PDXDC1: variants seen among roughly 807,000 people sequenced by gnomAD.
The protein encoded by PDXDC1 is pyridoxal dependent decarboxylase domain containing 1, also known as pyridoxal-dependent decarboxylase domain-containing protein 1.
In PDXDC1, 42 loss-of-function variants were observed where a neutral mutation model predicts 100.1. That is an observed-to-expected ratio of 0.42 (90% CI 0.33 to 0.54). PDXDC1 has a LOEUF of 0.54. Among genes scored for constraint, PDXDC1 ranks in the 20% least tolerant of loss-of-function variants. The pLI, the probability that PDXDC1 is intolerant of heterozygous loss-of-function variation, is 0.10. For synonymous variants in PDXDC1, 260 were observed against 371.7 expected, an observed-to-expected ratio of 0.70 and a Z score of 3.46; for missense variants, 636 against 979.2, an observed-to-expected ratio of 0.65 and a Z score of 4.68.
chr16:15,090,711 A>G (rs939973931), intron 16 of PDXDC1, among the ~76,000 whole-genome samples: 2 of 152,230 alleles, frequency 1.3e-5, no homozygotes, highest in African/African-American at 4.8e-5. Context: ...ACTGGATAAT[A>G]AAATTGGAAT....
At chr16:15,089,673 G>A (rs1237745513) in intron 16 of PDXDC1, among the ~76,000 whole-genome samples, 1 of 150,886 alleles carries the variant, frequency 6.6e-6, no homozygotes, top group Non-Finnish European at 1.5e-5. Flanking sequence ...GGTGGCGGGC[G>A]AGTGTAGTCT....
chr16:15,127,824 G>A, intron 16 of PDXDC1: 2 of 1,562,710 alleles, frequency 1.3e-6, no homozygotes, highest in Non-Finnish European at 1.7e-6. Flanking sequence ...TGGAGAGCCA[G>A]ATGTGCTTGT....
At chr16:15,044,219 G>T in intron 16 of PDXDC1, 1 of 691,250 alleles carries the variant, frequency 1.4e-6, no homozygotes, top group East Asian at 2.7e-5. Flanking sequence ...TCTCTGTGCT[G>T]CTCCAAGTGG....
At chr16:15,013,276 G>A (rs532412551) in intron 8 of PDXDC1, among the ~76,000 whole-genome samples, 780 of 151,656 alleles carry the variant, frequency 5.1e-3, no homozygotes, top group Non-Finnish European at 6.6e-3. Context: ...TTGAACCCGG[G>A]AGGCGGAGCT....
intron 16 of PDXDC1, chr16:15,126,868 G>A (rs1425422327): frequency 5.2e-6 from 1 of 192,118 alleles, no homozygotes; most frequent in African/African-American, 2.4e-5. Context: ...GTGTTGGCCA[G>A]GCTGGTCTCG....
intron 1 of PDXDC1, among the ~76,000 whole-genome samples, chr16:14,977,781 C>T (rs1330883409): frequency 3.3e-5 from 5 of 152,342 alleles, no homozygotes; most frequent in East Asian, 1.9e-4. Context: ...GACTATCCTG[C>T]GTTAAATTCT....
chr16:15,007,160 T>TC (rs2040848884), intron 6 of PDXDC1, among the ~76,000 whole-genome samples: 2 of 39,216 alleles, frequency 5.1e-5, no homozygotes, highest in African/African-American at 1.9e-4. Context: ...AGCATGACTT[T>TC]TTTTTTTTTT....
intron 16 of PDXDC1, among the ~76,000 whole-genome samples, chr16:15,053,034 T>C (rs774099421): frequency 1.3e-5 from 2 of 152,216 alleles, no homozygotes; most frequent in Admixed American, 6.5e-5. Flanking sequence ...ATATTCACAC[T>C]GTCTCATTAG....
chr16:15,068,096 C>T (rs967121960), intron 16 of PDXDC1: 3 of 1,501,828 alleles, frequency 2.0e-6, no homozygotes, highest in African/African-American at 2.8e-5. Context: ...AAATTTAACA[C>T]TCTTACAATA....
At chr16:15,078,261 T>C (rs11644601) in intron 16 of PDXDC1, among the ~76,000 whole-genome samples, 31,267 of 152,074 alleles carry the variant, frequency 0.21, 4,244 homozygotes, top group Middle Eastern at 0.34. Flanking sequence ...CTTCCTGCTT[T>C]CCTATAGCAT....
intron 16 of PDXDC1, among the ~76,000 whole-genome samples, chr16:15,096,116 GT>G (rs1020010422): frequency 8.9e-5 from 13 of 146,784 alleles, no homozygotes; most frequent in African/African-American, 2.0e-4. Flanking sequence ...TTTGTTTTTT[GT>G]TTTTTTTTTG....
downstream of PDXDC1, among the ~76,000 whole-genome samples, chr16:15,143,948 G>T (rs922099288): frequency 1.3e-5 from 2 of 152,176 alleles, no homozygotes; most frequent in Non-Finnish European, 2.9e-5. Flanking sequence ...CCCTGCCCGC[G>T]CTGGCCGCCT....
At chr16:15,076,683 G>A (rs762303545) in intron 16 of PDXDC1, 3 of 1,442,348 alleles carry the variant, frequency 2.1e-6, no homozygotes, top group Non-Finnish European at 2.9e-6. Flanking sequence ...AAGAATAAAA[G>A]GATTTAAAAA....
At chr16:14,984,361 A>C in intron 1 of PDXDC1, among the ~76,000 whole-genome samples, 1 of 121,484 alleles carries the variant, frequency 8.2e-6, no homozygotes, top group East Asian at 2.9e-4. Flanking sequence ...CTCAACTGTA[A>C]TGTCTCTAAA....
chr16:15,032,652 TTA>T, intron 17 of PDXDC1: 4 of 297,030 alleles, frequency 1.3e-5, no homozygotes, highest in Non-Finnish European at 1.7e-5. Context: ...AGACCCTGCT[TTA>T]AAAAAAAAAA....
chr16:15,040,708 T>C (rs1278114501), downstream of PDXDC1, among the ~76,000 whole-genome samples: 1 of 152,076 alleles, frequency 6.6e-6, no homozygotes, highest in African/African-American at 2.4e-5. Flanking sequence ...AGTGCCTGCC[T>C]TCCTCCCCCA....
intron 16 of PDXDC1, among the ~76,000 whole-genome samples, chr16:15,065,643 T>A (rs555962209): frequency 6.6e-6 from 1 of 152,230 alleles, no homozygotes; most frequent in Admixed American, 6.5e-5. Context: ...TAGATATTAT[T>A]CATTATATTT....
Position 15,084,744 on chromosome 16 carries a change from A to C in PDXDC1, c.1400-54135A>C, listed in dbSNP as rs568451161. On this transcript the variant is annotated intron_variant, in intron 16 of 16. Coordinates refer to the PDXDC1 transcript ENST00000535621. ...AGTTCAGAGTATGAGCATCAAAACA[A>C]AACTGAAGGGCGACACGCTTGAAGC... The C allele has an allele frequency of 4.2e-6, 6 of 1,428,388 alleles. No homozygotes were observed. The East Asian group carries it at 1.4e-4, about 33-fold the overall frequency. The allele number at this position is 1,428,388 out of a possible 1,614,324, so 88.5% of individuals were successfully genotyped here. A position where few individuals can be genotyped will look rare whatever the true frequency, so the allele number is the denominator to read the frequency against.
chr16:15,081,192 T>G (rs2045689679), intron 16 of PDXDC1, among the ~76,000 whole-genome samples: 1 of 152,210 alleles, frequency 6.6e-6, no homozygotes, highest in African/African-American at 2.4e-5. Context: ...TGTACAAGTT[T>G]TTCTGTGGAC....
Sources: gnomAD v4.1 joint callset for allele counts (sites outside exome capture counted in the v4.1 genomes callset) on GRCh38, gnomAD v4.1.1 for gene constraint, MANE v1.5 for transcripts, NCBI Gene and HGNC (gene_info 2026-07-23, HGNC 2026-07-21) for gene names.